ITFG1: variants seen among roughly 807,000 people sequenced by gnomAD.
ITFG1 encodes the protein integrin alpha FG-GAP repeat containing 1.
ITFG1 carries 34 observed loss-of-function variants against 81.8 expected under a neutral mutation model. The observed-to-expected ratio is 0.42, with a 90% CI of 0.32 to 0.55. ITFG1 has a LOEUF of 0.55. Ranked by LOEUF, ITFG1 falls within the 20% of genes least tolerant of loss-of-function variation. The probability of loss-of-function intolerance (pLI) is 0.17; values close to 1 mark genes in which losing one functional copy is unlikely to be tolerated. For synonymous variants in ITFG1, 285 were observed against 270.6 expected, an observed-to-expected ratio of 1.05 and a Z score of -0.52; for missense variants, 672 against 755.4, an observed-to-expected ratio of 0.89 and a Z score of 1.29.
At chr16:47,232,599 T>C (rs1234702072) in intron 13 of ITFG1, among the ~76,000 whole-genome samples, 1 of 151,598 alleles carries the variant, frequency 6.6e-6, no homozygotes, top group Non-Finnish European at 1.5e-5. Flanking sequence ...ATTTTTGAAG[T>C]TGGGTATGGG....
chr16:47,202,776 T>C, intron 14 of ITFG1, among the ~76,000 whole-genome samples: 1 of 152,026 alleles, frequency 6.6e-6, no homozygotes, highest in Non-Finnish European at 1.5e-5. Flanking sequence ...CGTGCAATAT[T>C]GGGAAAATGC....
chr16:47,262,447 G>C (rs1389270330), intron 10 of ITFG1, among the ~76,000 whole-genome samples: 2 of 152,140 alleles, frequency 1.3e-5, no homozygotes, highest in Non-Finnish European at 2.9e-5. Flanking sequence ...CAGAGATGTA[G>C]CACACTCTGT....
chr16:47,251,428 T>A (rs1196631870), intron 12 of ITFG1, among the ~76,000 whole-genome samples: 3 of 152,120 alleles, frequency 2.0e-5, no homozygotes, highest in African/African-American at 7.2e-5. Flanking sequence ...CAGAAGTATA[T>A]AGTGACCCAC....
At position 47,258,291 on chromosome 16, in the gene ITFG1, G is replaced by C. The variant is rs139301743; in HGVS notation, c.1330+341C>G. Among the ~76,000 whole-genome samples, 27 of 152,334 alleles carry C rather than the reference G, an allele frequency of 1.8e-4. No individual in the cohort carries two copies. In the East Asian group the frequency reaches 5.2e-3, roughly 29 times the overall value. ...ACCTAAGTTGGGTAATGAGGAAACA[G>C]TGCTATCTCACAGAATGCAAAGCCT... On this transcript the variant is annotated intron_variant, in intron 12 of 17. Coordinates refer to ENST00000320640, the MANE Select transcript of ITFG1 (RefSeq NM_030790.5).
At chr16:47,166,671 T>C (rs1238856030) in intron 14 of ITFG1, among the ~76,000 whole-genome samples, 1 of 152,262 alleles carries the variant, frequency 6.6e-6, no homozygotes, top group East Asian at 1.9e-4. Flanking sequence ...AAATATAATT[T>C]TCCTGCCTAT....
At chr16:47,346,116 G>T (rs1967851792) in intron 8 of ITFG1, among the ~76,000 whole-genome samples, 5 of 152,174 alleles carry the variant, frequency 3.3e-5, no homozygotes, top group Admixed American at 3.3e-4. Flanking sequence ...TGTCCAGTTG[G>T]TTTCGATATC....
intron 2 of ITFG1, among the ~76,000 whole-genome samples, chr16:47,456,412 G>A (rs866480827): frequency 3.3e-5 from 5 of 151,998 alleles, no homozygotes; most frequent in Admixed American, 6.6e-5. Context: ...GGTAGATGCC[G>A]GGCGCGGTGG....
At chr16:47,444,882 G>A (rs1018287897) in intron 5 of ITFG1, among the ~76,000 whole-genome samples, 7 of 151,964 alleles carry the variant, frequency 4.6e-5, no homozygotes, top group African/African-American at 1.7e-4. Context: ...TCTGCTTTTT[G>A]GAAATTGGTT....
At chr16:47,458,866 A>G (rs1367636311) in intron 2 of ITFG1, among the ~76,000 whole-genome samples, 1 of 152,140 alleles carries the variant, frequency 6.6e-6, no homozygotes, top group African/African-American at 2.4e-5. Flanking sequence ...GCAAGGAAAT[A>G]AAGGGTGTTT....
chr16:47,433,857 A>AATATATATAT (rs4038737), intron 5 of ITFG1, among the ~76,000 whole-genome samples: 4 of 38,384 alleles, frequency 1.0e-4, no homozygotes, highest in Non-Finnish European at 1.7e-4. Context: ...ATAAAAACTG[A>AATATATATAT]ATATATATAT....
chr16:47,177,399 A>G (rs1965043579), intron 14 of ITFG1, among the ~76,000 whole-genome samples: 1 of 152,314 alleles, frequency 6.6e-6, no homozygotes, highest in Non-Finnish European at 1.5e-5. Context: ...TATTTGATAT[A>G]AAGTATATCA....
chr16:47,242,057 A>G (rs184211152), intron 12 of ITFG1, among the ~76,000 whole-genome samples: 1 of 152,270 alleles, frequency 6.6e-6, no homozygotes, highest in African/African-American at 2.4e-5. Flanking sequence ...ATGGTTGCAC[A>G]ACGCTGAGAA....
intron 12 of ITFG1, among the ~76,000 whole-genome samples, chr16:47,256,650 T>C (rs1414075810): frequency 2.0e-5 from 3 of 152,350 alleles, no homozygotes; most frequent in Admixed American, 6.5e-5. Flanking sequence ...TAGAAATGAT[T>C]AGACTCATGT....
intron 6 of ITFG1, among the ~76,000 whole-genome samples, chr16:47,412,695 C>CAAAAAAAAAAAAAAAAAACAAAAAAA (rs34669796): frequency 9.4e-6 from 1 of 106,114 alleles, no homozygotes; most frequent in Non-Finnish European, 2.0e-5. Context: ...GACTCTGTCT[C>CAAAAAAAAAAAAAAAAAACAAAAAAA]AAAAAAAAAA....
At position 47,311,450 on chromosome 16, in the gene ITFG1, T is replaced by C. The variant is rs754163047; in HGVS notation, c.898-38A>G. 2.7e-6 allele frequency: 4 copies of C among 1,455,312 alleles called. No individual in the cohort carries two copies. In the Admixed American group the frequency reaches 9.2e-5, roughly 34 times the overall value. 90.1% of individuals were successfully genotyped at this position (1,455,312 alleles called of 1,614,324 possible). A position where few individuals can be genotyped will look rare whatever the true frequency, so the allele number is the denominator to read the frequency against. On this transcript the variant is annotated intron_variant, in intron 9 of 17. Transcript: ENST00000320640. Reference sequence around the variant, plus strand: ...AGAAAAAGATCAGACTTTATAGTTATTTTATAAAAAAATTTATAATTTGCA... The same window carrying C: ...AGAAAAAGATCAGACTTTATAGTTACTTTATAAAAAAATTTATAATTTGCA...
chr16:47,363,929 T>C (rs1473378585), intron 8 of ITFG1, among the ~76,000 whole-genome samples: 1 of 152,160 alleles, frequency 6.6e-6, no homozygotes, highest in Non-Finnish European at 1.5e-5. Flanking sequence ...GTGCACTCTT[T>C]ATCAACTGAA....
chr16:47,338,413 CCAAA>C (rs574561182), intron 8 of ITFG1, among the ~76,000 whole-genome samples: 114 of 151,938 alleles, frequency 7.5e-4, no homozygotes, highest in Middle Eastern at 3.4e-3. Context: ...CTTCTCAAAA[CCAAA>C]CAAACAAAAA....
chr16:47,307,122 A>AAAC (rs1967180824), intron 10 of ITFG1, among the ~76,000 whole-genome samples: 1 of 149,204 alleles, frequency 6.7e-6, no homozygotes, highest in Non-Finnish European at 1.5e-5. Flanking sequence ...AAAAAAAAAA[A>AAAC]ACGGAGAAAG....
At chr16:47,196,443 G>T (rs892745808) in intron 14 of ITFG1, 3 of 152,066 alleles carry the variant, frequency 2.0e-5, no homozygotes, top group African/African-American at 7.2e-5. Flanking sequence ...AAAGTGCTGA[G>T]GTGGGGGGAA....
Sources: gnomAD v4.1 joint callset for allele counts (sites outside exome capture counted in the v4.1 genomes callset) on GRCh38, gnomAD v4.1.1 for gene constraint, MANE v1.5 for transcripts, NCBI Gene and HGNC (gene_info 2026-07-23, HGNC 2026-07-21) for gene names.